Variants in RAP1GAP observed in about 807,000 individuals in gnomAD.
RAP1GAP encodes the protein RAP1 GTPase activating protein.
RAP1GAP carries 35 observed loss-of-function variants against 87.2 expected under a neutral mutation model. That is an observed-to-expected ratio of 0.40 (90% CI 0.31 to 0.53). The LOEUF (loss-of-function observed/expected upper bound fraction) is 0.53, where lower values mean the gene tolerates loss of function less well. Among genes scored for constraint, RAP1GAP ranks in the 20% least tolerant of loss-of-function variants. The pLI is 0.48. For synonymous variants in RAP1GAP, 375 were observed against 363.9 expected, an observed-to-expected ratio of 1.03 and a Z score of -0.35; for missense variants, 734 against 898.9, an observed-to-expected ratio of 0.82 and a Z score of 2.35.
At chr1:21,612,946 G>A in intron 10 of RAP1GAP, 1 of 576,936 alleles carries the variant, frequency 1.7e-6, no homozygotes, top group Non-Finnish European at 3.1e-6. Context: ...CTCTAAGGCA[G>A]ACAAACCGAG....
Position 21,634,902 on chromosome 1 carries a change from T to C in RAP1GAP, c.-112-8505A>G. ...CACTGGGGTAAGGAGGAGGAGTGAC[T>C]CTGAGATGACCCGGCCGCAGGGCCT... On this transcript the variant is annotated intron_variant, in intron 2 of 24. Transcript: ENST00000374765. The surrounding 1 kb of genome is among the most constrained non-coding windows in gnomAD (Gnocchi z 4.1). The C allele has an allele frequency of 5.3e-6, 1 of 188,724 alleles. No homozygotes were observed. Among genetic ancestry groups the C allele is most frequent in the South Asian group, 6.5e-5 (1 of 15,270 alleles). 11.7% of individuals were successfully genotyped at this position (188,724 alleles called of 1,614,324 possible).
rs545622985 is a variant in RAP1GAP, at chr1:21,613,077, C to A, written c.528+99G>T. 3.3e-5 allele frequency: 43 copies of A among 1,296,616 alleles called. No homozygotes were observed. The highest frequency in any genetic ancestry group is 4.7e-5 in the Non-Finnish European group (42 of 901,282). The allele number at this position is 1,296,616 out of a possible 1,614,324, so 80.3% of individuals were successfully genotyped here. On this transcript the variant is annotated intron_variant, in intron 10 of 24. Coordinates refer to ENST00000374765, the MANE Select transcript of RAP1GAP (RefSeq NM_002885.4). The surrounding 1 kb of genome is among the most constrained non-coding windows in gnomAD (Gnocchi z 4.7). ...TTATTGTGAGGATTAAATGAGAGAA[C>A]CTTGGGAAAGTATCTGGCACACAGA...
intron 1 of RAP1GAP, among the ~76,000 whole-genome samples, chr1:21,663,537 TGCAG>T (rs1369969571): frequency 2.6e-5 from 4 of 152,190 alleles, no homozygotes; most frequent in Admixed American, 6.5e-5. Context: ...GCACCGAGCT[TGCAG>T]GCAGGAAGAA....
At chr1:21,601,246 C>T (rs1205157601) in intron 20 of RAP1GAP, among the ~76,000 whole-genome samples, 1 of 152,124 alleles carries the variant, frequency 6.6e-6, no homozygotes, top group East Asian at 1.9e-4. Context: ...ACTGGCCGAG[C>T]TCCTCTGCCA....
At chr1:21,665,752 AC>A (rs914686453) in intron 1 of RAP1GAP, among the ~76,000 whole-genome samples, 1 of 152,038 alleles carries the variant, frequency 6.6e-6, no homozygotes, top group Non-Finnish European at 1.5e-5. Context: ...GCCCTTGGGT[AC>A]CCTCCTCCTG....
chr1:21,613,283 T>A lies in RAP1GAP; in HGVS notation c.475-54A>T. 6.5e-6 allele frequency: 9 copies of A among 1,390,460 alleles called. No individual in the cohort carries two copies. Among genetic ancestry groups the A allele is most frequent in the Non-Finnish European group, 9.2e-6 (9 of 977,128 alleles). 86.1% of individuals were successfully genotyped at this position (1,390,460 alleles called of 1,614,324 possible). A position where few individuals can be genotyped will look rare whatever the true frequency, so the allele number is the denominator to read the frequency against. ...AGGTGTGGGGCCAGGGAGGAGAGGA[T>A]GGGGCTGCCTGGGCCTCCCTGGTCA... On this transcript the variant is annotated intron_variant, in intron 9 of 24. Transcript: ENST00000374765. The surrounding 1 kb of genome is among the most constrained non-coding windows in gnomAD (Gnocchi z 4.7).
chr1:21,661,189 T>G (rs551942884), intron 1 of RAP1GAP, among the ~76,000 whole-genome samples: 1 of 151,392 alleles, frequency 6.6e-6, no homozygotes, highest in Non-Finnish European at 1.5e-5. Context: ...GAGGCCGAGG[T>G]TGCACTGAGC....
At chr1:21,602,177 G>A (rs1202582409) in intron 19 of RAP1GAP, among the ~76,000 whole-genome samples, 3 of 152,216 alleles carry the variant, frequency 2.0e-5, no homozygotes, top group Non-Finnish European at 4.4e-5. Flanking sequence ...TCCCGTCCTG[G>A]AGCCCTCTCA....
At chr1:21,647,442 C>T (rs192030012) in intron 2 of RAP1GAP, among the ~76,000 whole-genome samples, 16 of 152,262 alleles carry the variant, frequency 1.1e-4, no homozygotes, top group Admixed American at 3.9e-4. Context: ...ACAGCCTGGG[C>T]GACAGAGTGA....
At position 21,620,720 on chromosome 1, in the gene RAP1GAP, C is replaced by T. The variant is rs561230979; in HGVS notation, c.-18-670G>A. ...AAGGCGGCATCCCTGCCGGCTGGCC[C>T]GGCTCGGGGCTGGGCCTGGGAAGCC... On this transcript the variant is annotated intron_variant, in intron 3 of 24. Coordinates refer to ENST00000374765, the MANE Select transcript of RAP1GAP (RefSeq NM_002885.4). Among the ~76,000 whole-genome samples, 240 of 152,276 alleles carry T rather than the reference C, an allele frequency of 1.6e-3. 1 individual carries two copies. Among genetic ancestry groups the T allele is most frequent in the Admixed American group, 2.9e-3 (44 of 15,302 alleles).
chr1:21,609,622 C>T lies in RAP1GAP; in HGVS notation c.1024G>A (p.Val342Met). Reference sequence around the variant, plus strand: ...GGGAGGGGGGGTCCAAAGAAGGGCACATCATCTCTTGCAGTGACAGAGACC... The same window carrying T: ...GGGAGGGGGGGTCCAAAGAAGGGCATATCATCTCTTGCAGTGACAGAGACC... ...YKVSVTARDD[V>M]PFFGPPLPDP... The change falls in exon 15 of 25, where the codon GTG becomes ATG. Residue 342 changes from valine (V) to methionine (M), a missense_variant. By Grantham distance (21) the Val-to-Met change is conservative (BLOSUM62 1). Around this residue, in one of 2 missense-constraint regions of RAP1GAP, gnomAD observed 485 missense variants for 646.2 expected, o/e 0.75. Transcript: ENST00000374765. This position sits in a 1 kb window ranked among gnomAD's most constrained non-coding sequence, Gnocchi z 4.4. The T allele has an allele frequency of 6.3e-7, 1 of 1,582,512 alleles. No homozygotes were observed. The highest frequency in any genetic ancestry group is 8.6e-7 in the Non-Finnish European group (1 of 1,164,792).
At chr1:21,620,820 T>C (rs946529657) in intron 3 of RAP1GAP, among the ~76,000 whole-genome samples, 1 of 151,770 alleles carries the variant, frequency 6.6e-6, no homozygotes, top group Admixed American at 6.6e-5. Flanking sequence ...CTGACACATG[T>C]GCTATGGAGT....
At chr1:21,598,104 G>C (rs1203155186) in intron 22 of RAP1GAP, 40 bp from the exon 23 acceptor site, 18 of 1,342,314 alleles carry the variant, frequency 1.3e-5, no homozygotes, top group Non-Finnish European at 1.7e-5. Flanking sequence ...CACTGGCCGC[G>C]GGGAGGCACC....
At chr1:21,597,925 G>A (rs1347231647) in intron 23 of RAP1GAP, 36 bp downstream of exon 23, 1 of 1,541,496 alleles carries the variant, frequency 6.5e-7, no homozygotes, top group East Asian at 2.4e-5. Context: ...CCCGGGTGGG[G>A]CTCCCTCAGC....
In RAP1GAP at chr1:21,613,190, C is replaced by T; in HGVS notation, c.514G>A (p.Val172Met). The change falls in exon 10 of 25, where the codon GTG (valine) becomes ATG (methionine). Residue 172 changes from valine (V) to methionine (M), a missense_variant. Around this residue, in one of 2 missense-constraint regions of RAP1GAP, gnomAD observed 485 missense variants for 646.2 expected, o/e 0.75. Coordinates refer to ENST00000374765, the MANE Select transcript of RAP1GAP (RefSeq NM_002885.4). The surrounding 1 kb of genome is among the most constrained non-coding windows in gnomAD (Gnocchi z 4.7). The stretch of plus-strand genomic sequence containing the variant: ...TCCAGCCATACCTTGGGGTAGAGCA[C>T]AGGATAGAACCGATCCACATTGACG... ...EDVNVDRFYP[V>M]LYPKASRLIV... 6.4e-6 allele frequency: 10 copies of T among 1,559,444 alleles called. No individual in the cohort carries two copies. The highest frequency in any genetic ancestry group is 8.0e-6 in the Non-Finnish European group (9 of 1,130,334).
intron 14 of RAP1GAP, 107 bp downstream of exon 14, chr1:21,610,013 C>T: frequency 7.4e-7 from 1 of 1,344,116 alleles, no homozygotes; most frequent in Non-Finnish European, 1.0e-6. Context: ...TTCCATGGTC[C>T]CCCCATTATA....
chr1:21,658,338 C>T (rs1263248212), intron 1 of RAP1GAP, among the ~76,000 whole-genome samples: 3 of 151,544 alleles, frequency 2.0e-5, no homozygotes, highest in East Asian at 1.9e-4. Context: ...GAGGCTGAGG[C>T]GGGTAGATCA....
intron 19 of RAP1GAP, 74 bp downstream of exon 19, chr1:21,602,729 TG>T: frequency 7.5e-7 from 1 of 1,342,258 alleles, no homozygotes; most frequent in Non-Finnish European, 1.0e-6. Flanking sequence ...CCCTTCTGCC[TG>T]CCTTGCTTTG....
intron 1 of RAP1GAP, among the ~76,000 whole-genome samples, chr1:21,655,975 C>T (rs2096843603): frequency 6.6e-6 from 1 of 152,248 alleles, no homozygotes; most frequent in Non-Finnish European, 1.5e-5. Flanking sequence ...GAGTCATACT[C>T]ATTCAGGATA....
Sources: gnomAD v4.1 joint callset for allele counts (sites outside exome capture counted in the v4.1 genomes callset) on GRCh38, gnomAD v4.1.1 for gene constraint, gnomAD v4.1.1 regional missense constraint, Gnocchi (gnomAD v3.1) non-coding constraint, MANE v1.5 for transcripts, NCBI Gene and HGNC (gene_info 2026-07-23, HGNC 2026-07-21) for gene names.